The following C5orf34 variants were observed in gnomAD, a reference collection of about 807,000 sequenced individuals.
C5orf34 encodes the protein chromosome 5 open reading frame 34.
Under a neutral mutation model 78.4 loss-of-function variants are expected in C5orf34, and 73 were observed. That is an observed-to-expected ratio of 0.93 (90% CI 0.77 to 1.13). The LOEUF is 1.13. Ranked by LOEUF, C5orf34 falls within the 50% of genes most tolerant of loss-of-function variation. The pLI, the probability that C5orf34 is intolerant of heterozygous loss-of-function variation, is 0.00. For synonymous variants in C5orf34, 251 were observed against 246.6 expected (o/e 1.02, Z -0.17); for missense variants, 730 against 732.7 (o/e 1.00, Z 0.04).
At chr5:43,498,882 T>G (rs1745648953) in intron 6 of C5orf34, among the ~76,000 whole-genome samples, 1 of 152,204 alleles carries the variant, frequency 6.6e-6, no homozygotes, top group Admixed American at 6.5e-5. Flanking sequence ...CTCTGGACAT[T>G]TCCCCCAGCA....
intron 6 of C5orf34, among the ~76,000 whole-genome samples, chr5:43,497,675 T>C (rs926731144): frequency 3.3e-5 from 5 of 152,206 alleles, no homozygotes; most frequent in Non-Finnish European, 7.3e-5. Flanking sequence ...ATTAATGATA[T>C]AATATACATA....
At position 43,509,217 on chromosome 5, in the gene C5orf34, AG is replaced by A; in HGVS notation, c.122del (p.Pro41LeufsTer7). ...GTTGTTCTAAAGGATGTGCTGAAAC[AG>A]GTGGTGACTTTTCAAATAAAAATTC... ...GSEFLFEKSPPVSAHPLEQPE... is the reference protein window; with the variant it reads ...GSEFLFEKSPXVSAHPLEQPE... On this transcript the variant is annotated frameshift_variant, in exon 2 of 13. Coordinates refer to ENST00000306862, the MANE Select transcript of C5orf34 (RefSeq NM_198566.4). LOFTEE classifies it high-confidence loss of function. 6.2e-7 allele frequency: 1 copy of A among 1,614,184 alleles called. No homozygotes were observed. The highest frequency in any genetic ancestry group is 8.5e-7 in the Non-Finnish European group (1 of 1,180,008).
Position 43,492,231 on chromosome 5 carries a change from G to T in C5orf34, c.1564C>A (p.Pro522Thr), listed in dbSNP as rs1328872948. 1 of 1,610,320 alleles carries T rather than the reference G, an allele frequency of 6.2e-7. No homozygotes were observed. Among genetic ancestry groups the T allele is most frequent in the African/African-American group, 1.3e-5 (1 of 74,752 alleles). The stretch of plus-strand genomic sequence containing the variant: ...TTTCAGTACCTTTCATATGGTTCAG[G>T]GTGTTCAATCTGAATTAACTGCTCT... ...GQEQLIQIEH[P>T]EPYERYVTTV... Residue 522 changes from proline (P) to threonine (T), a missense_variant, in exon 10 of 13, where the codon CCT (proline) becomes ACT (threonine). By Grantham distance (38) the Pro-to-Thr change is conservative. Coordinates refer to ENST00000306862, the MANE Select transcript of C5orf34 (RefSeq NM_198566.4).
intron 1 of C5orf34, among the ~76,000 whole-genome samples, chr5:43,512,784 TTTTTTTTTTTTTTTTTTG>T (rs1746328039): frequency 6.7e-5 from 3 of 45,040 alleles, no homozygotes; most frequent in Admixed American, 5.7e-4. Flanking sequence ...TTTTTTTTTT[TTTTTTTTTTTTTTTTTTG>T]AGACAGAGTC....
rs1250353791 is a variant in C5orf34, at chr5:43,508,610, T to TA, written c.251dup (p.Leu84PhefsTer3). The stretch of plus-strand genomic sequence containing the variant: ...TTTCAGAAGGTATGATGGTTTCAGA[T>TA]AAAAAAGGGCAAGTAGCTGAAGAGT... On this transcript the variant is annotated frameshift_variant, in exon 3 of 13. Coordinates refer to ENST00000306862, the MANE Select transcript of C5orf34 (RefSeq NM_198566.4). LOFTEE classifies it high-confidence loss of function. 9.9e-6 allele frequency: 16 copies of TA among 1,611,146 alleles called. No individual in the cohort carries two copies. The highest frequency in any genetic ancestry group is 2.2e-5 in the East Asian group (1 of 44,816).
rs757703128 is a variant in C5orf34, at chr5:43,487,906, T to C, written c.1720+3A>G. 20 of 1,601,286 alleles carry C rather than the reference T, an allele frequency of 1.2e-5. No homozygotes were observed. The highest frequency in any genetic ancestry group is 1.6e-5 in the Non-Finnish European group (19 of 1,170,856). ...AGGACAGTGCATTCTGTTTAAAGGA[T>C]ACAGTTAAACTTCTGTATCTTTTCA... On this transcript the variant is annotated splice_donor_region_variant and intron_variant, in intron 12 of 12. Coordinates refer to ENST00000306862, the MANE Select transcript of C5orf34 (RefSeq NM_198566.4).
chr5:43,503,575 G>A, intron 5 of C5orf34, 90 bp downstream of exon 5: 1 of 870,812 alleles, frequency 1.1e-6, no homozygotes, highest in East Asian at 2.4e-5. Context: ...GTCCTCTTCT[G>A]AGAGTCTGTC....
At chr5:43,503,627 C>T (rs935124294) in intron 5 of C5orf34, 38 bp downstream of exon 5, 1 of 1,316,970 alleles carries the variant, frequency 7.6e-7, no homozygotes, top group South Asian at 1.2e-5. Context: ...CAATAAACAG[C>T]TCTAACTCCA....
In C5orf34 at chr5:43,490,629, A is replaced by G; in HGVS notation, c.1679+2T>C. On this transcript the variant is annotated splice_donor_variant, in intron 11 of 12. Coordinates refer to ENST00000306862, the MANE Select transcript of C5orf34 (RefSeq NM_198566.4). LOFTEE classifies it high-confidence loss of function. Reference sequence around the variant, plus strand: ...ACAGATTTAAGTTTAAAAGAAAAATACCAATTTTCTTGGAGAACAGAAGAT... The same window carrying G: ...ACAGATTTAAGTTTAAAAGAAAAATGCCAATTTTCTTGGAGAACAGAAGAT... 6.3e-7 allele frequency: 1 copy of G among 1,578,638 alleles called. No homozygotes were observed.
chr5:43,488,339 C>G (rs574151602), intron 11 of C5orf34: 7 of 180,256 alleles, frequency 3.9e-5, no homozygotes, highest in East Asian at 1.5e-4. Context: ...CTGCTCTCTC[C>G]TTCCTTGAAT....
Position 43,496,325 on chromosome 5 carries a change from T to C in C5orf34, c.1153-1724A>G. ...TCCTTTCCCATCTCAGCAGCCTCCT[T>C]CTCAAATTTTTCAATGGTTCTTTTG... On this transcript the variant is annotated intron_variant, in intron 6 of 12. Transcript: ENST00000306862. 4 of 1,586,234 alleles carry C rather than the reference T, an allele frequency of 2.5e-6. No individual in the cohort carries two copies. The Admixed American group carries it at 5.0e-5, about 20-fold the overall frequency.
chr5:43,488,539 T>TGAA (rs1745149261), intron 11 of C5orf34: 1 of 152,164 alleles, frequency 6.6e-6, no homozygotes, highest in Non-Finnish European at 1.5e-5. Flanking sequence ...AGATCCAAGT[T>TGAA]TTTAAATAGT....
chr5:43,496,564 A>C, intron 6 of C5orf34: 1 of 773,738 alleles, frequency 1.3e-6, no homozygotes. Context: ...ACTCCTATTC[A>C]TTCAAAAGTT....
At chr5:43,502,000 A>ATTGTGTATTTT (rs1205090651) in intron 6 of C5orf34, among the ~76,000 whole-genome samples, 57 of 152,326 alleles carry the variant, frequency 3.7e-4, no homozygotes, top group Non-Finnish European at 7.1e-4. Flanking sequence ...GAGGTGCTTA[A>ATTGTGTATTTT]AATACACAAT....
At chr5:43,494,458 C>T (rs938423788) in intron 7 of C5orf34, 52 bp downstream of exon 7, 2 of 1,161,210 alleles carry the variant, frequency 1.7e-6, no homozygotes, top group African/African-American at 3.0e-5. Flanking sequence ...AGAAAATGTG[C>T]CAAGATGTTT....
intron 3 of C5orf34, among the ~76,000 whole-genome samples, chr5:43,507,466 A>G (rs991495869): frequency 2.6e-5 from 4 of 152,228 alleles, no homozygotes; most frequent in Non-Finnish European, 4.4e-5. Context: ...GAATTAGACT[A>G]TCTAATAATC....
At chr5:43,500,333 T>C (rs1361605269) in intron 6 of C5orf34, among the ~76,000 whole-genome samples, 1 of 152,192 alleles carries the variant, frequency 6.6e-6, no homozygotes, top group East Asian at 1.9e-4. Context: ...TACTGATTTA[T>C]AGTGTGGAAT....
At chr5:43,496,452 C>T in intron 6 of C5orf34, 1 of 1,574,098 alleles carries the variant, frequency 6.4e-7, no homozygotes. Flanking sequence ...TTTCCTTTCC[C>T]ATTTTGGCTT....
At chr5:43,487,839 G>A in intron 12 of C5orf34, 70 bp downstream of exon 12, 1 of 1,151,662 alleles carries the variant, frequency 8.7e-7, no homozygotes. Context: ...ACAAAGTACT[G>A]AAGTCATGAA....
Sources: allele counts gnomAD v4.1 joint callset (sites outside exome capture counted in the v4.1 genomes callset), GRCh38; gene constraint gnomAD v4.1.1; transcripts MANE v1.5; gene names NCBI Gene and HGNC (gene_info 2026-07-23, HGNC 2026-07-21).